Variants in PTPRG observed in about 807,000 individuals in gnomAD.
PTPRG encodes the protein receptor-type tyrosine-protein phosphatase gamma.
PTPRG carries 102 observed loss-of-function variants against 165.3 expected under a neutral mutation model. The observed-to-expected ratio is 0.62, with a 90% CI of 0.53 to 0.73. The LOEUF is 0.73. Ranked by LOEUF, PTPRG falls within the 30% of genes least tolerant of loss-of-function variation. The pLI is 0.00. For synonymous variants in PTPRG, 675 were observed against 669.5 expected (o/e 1.01, Z -0.13); for missense variants, 1,866 against 1,861.4 (o/e 1.00, Z -0.05).
chr3:61,953,390 A>G (rs1175046605), intron 2 of PTPRG, among the ~76,000 whole-genome samples: 1 of 152,208 alleles, frequency 6.6e-6, no homozygotes, highest in African/African-American at 2.4e-5. Context: ...ATTGCTGGTC[A>G]ATTTCGCCAT....
chr3:61,999,951 C>CT (rs370025260), intron 3 of PTPRG, among the ~76,000 whole-genome samples: 2 of 152,034 alleles, frequency 1.3e-5, no homozygotes, highest in Admixed American at 6.6e-5. Flanking sequence ...AAGGCAGTAT[C>CT]TTTTTTTATT....
In PTPRG at chr3:61,718,678, T is replaced by A. The variant is rs984919714; in HGVS notation, c.86-30200T>A. Among the ~76,000 whole-genome samples the A allele has an allele frequency of 2.0e-5, 3 of 152,242 alleles. No individual in the cohort carries two copies. The East Asian group carries it at 5.8e-4, about 29-fold the overall frequency. ...TGCTACTGTAACTTAGTAACTTTTT[T>A]AAAGCAATTAGAAACCAGGGACTTG... is the stretch of plus-strand genomic sequence containing the variant. On this transcript the variant is annotated intron_variant, in intron 1 of 29. Transcript: ENST00000474889.
At chr3:62,149,869 C>T (rs1012546062) in intron 6 of PTPRG, among the ~76,000 whole-genome samples, 3 of 152,198 alleles carry the variant, frequency 2.0e-5, no homozygotes, top group African/African-American at 7.2e-5. Flanking sequence ...TTTTCCCCCC[C>T]TCAATCCTGG....
chr3:61,822,051 T>C (rs1280268577), intron 2 of PTPRG, among the ~76,000 whole-genome samples: 2 of 152,240 alleles, frequency 1.3e-5, no homozygotes, highest in Non-Finnish European at 2.9e-5. Flanking sequence ...TGTAAGTAAC[T>C]TGCCTAAGTA....
chr3:62,076,592 T>G (rs1701395600), intron 4 of PTPRG, among the ~76,000 whole-genome samples: 1 of 151,840 alleles, frequency 6.6e-6, no homozygotes, highest in African/African-American at 2.4e-5. Flanking sequence ...TCTTTTTTTT[T>G]TTTTTCGAGA....
intron 4 of PTPRG, among the ~76,000 whole-genome samples, chr3:62,047,246 A>ATTTAT (rs1553709163): frequency 1.6e-5 from 1 of 62,990 alleles, no homozygotes; most frequent in East Asian, 2.8e-4. Context: ...TGAGCTTCCT[A>ATTTAT]TTATTTATTT....
In PTPRG at chr3:62,271,561, G is replaced by T; in HGVS notation, c.3182+6G>T. ...CCTGTGTTGGTGCACTGCAGGTAGG[G>T]TCTAGGATTCAACATGTGAAATAGA... On this transcript the variant is annotated splice_donor_region_variant and intron_variant, in intron 21 of 29. Coordinates refer to ENST00000474889, the MANE Select transcript of PTPRG (RefSeq NM_002841.4). The surrounding 1 kb of genome is among the most constrained non-coding windows in gnomAD (Gnocchi z 4.1). The T allele has an allele frequency of 6.2e-7, 1 of 1,610,128 alleles. No individual in the cohort carries two copies. The highest frequency in any genetic ancestry group is 8.5e-7 in the Non-Finnish European group (1 of 1,178,062).
chr3:61,855,327 C>T (rs187361590), intron 2 of PTPRG, among the ~76,000 whole-genome samples: 231 of 152,254 alleles, frequency 1.5e-3, no homozygotes, highest in African/African-American at 5.1e-3. Context: ...GTTTTGTAGT[C>T]ATCTCATTGC....
rs529994166 is a variant in PTPRG, at chr3:61,816,757, T to G, written c.190+67775T>G. The stretch of plus-strand genomic sequence containing the variant: ...GGTCTTGATGAGATATGATGAAAGT[T>G]TGGTTGAGTATGATTGTGAAGGAGA... On this transcript the variant is annotated intron_variant, in intron 2 of 29. Transcript: ENST00000474889. Among the ~76,000 whole-genome samples, 7 of 151,562 alleles carry G rather than the reference T, an allele frequency of 4.6e-5. No individual in the cohort carries two copies. In the South Asian group the frequency reaches 1.2e-3, roughly 27 times the overall value.
intron 2 of PTPRG, among the ~76,000 whole-genome samples, chr3:61,842,699 A>G (rs1040011325): frequency 4.7e-5 from 7 of 148,880 alleles, no homozygotes; most frequent in Non-Finnish European, 8.9e-5. Context: ...AAAAAAAAAA[A>G]AAAAGAAAAA....
At chr3:61,631,924 T>C (rs1053069528) in intron 1 of PTPRG, among the ~76,000 whole-genome samples, 4 of 152,296 alleles carry the variant, frequency 2.6e-5, no homozygotes, top group Non-Finnish European at 5.9e-5. Context: ...TAAAATGATA[T>C]AGATGCTCTG....
intron 13 of PTPRG, among the ~76,000 whole-genome samples, chr3:62,226,233 T>A (rs1700761399): frequency 6.6e-6 from 1 of 152,236 alleles, no homozygotes; most frequent in South Asian, 2.1e-4. Flanking sequence ...CCTGGTGGCA[T>A]ATACTTCCCT....
At chr3:62,159,668 T>A (rs1424977579) in intron 7 of PTPRG, among the ~76,000 whole-genome samples, 2 of 152,204 alleles carry the variant, frequency 1.3e-5, no homozygotes, top group Non-Finnish European at 2.9e-5. Context: ...GTATTTGCCT[T>A]CCAATATATA....
intron 4 of PTPRG, among the ~76,000 whole-genome samples, chr3:62,075,293 G>A (rs555457099): frequency 4.6e-5 from 7 of 152,136 alleles, no homozygotes; most frequent in South Asian, 4.2e-4. Flanking sequence ...TTAATTTGAG[G>A]GCCTGAGTTT....
Position 61,605,644 on chromosome 3 carries a change from C to T in PTPRG, c.85+43272C>T, listed in dbSNP as rs144433278. Among the ~76,000 whole-genome samples, 188 of 152,216 alleles carry T rather than the reference C, an allele frequency of 1.2e-3. 1 individual carries two copies. Among genetic ancestry groups the T allele is most frequent in the African/African-American group, 4.4e-3 (181 of 41,530 alleles). ...AGTGCAGTGCTGTGATCATAGCTTA[C>T]TGCTGCCTTGAACTCCTGGCCTCAA... On this transcript the variant is annotated intron_variant, in intron 1 of 29. Transcript: ENST00000474889.
intron 2 of PTPRG, among the ~76,000 whole-genome samples, chr3:61,751,751 G>A (rs1005381269): frequency 1.3e-5 from 2 of 152,132 alleles, no homozygotes; most frequent in African/African-American, 4.8e-5. Context: ...AGCACTTTGG[G>A]AGGCCGAGGT....
chr3:61,701,452 A>G (rs1316716325), intron 1 of PTPRG, among the ~76,000 whole-genome samples: 3 of 152,192 alleles, frequency 2.0e-5, no homozygotes, highest in Admixed American at 1.3e-4. Flanking sequence ...CTCTACTTTC[A>G]TATGATTATA....
At chr3:62,281,821 A>G (rs1203686177) in intron 27 of PTPRG, 112 bp downstream of exon 27, 1 of 1,068,012 alleles carries the variant, frequency 9.4e-7, no homozygotes, top group East Asian at 2.8e-5. Flanking sequence ...CATTTGAGTA[A>G]GACTTAATTT....
rs762771197 is a variant in PTPRG, at chr3:62,271,968, G to T, written c.3182+413G>T. Among the ~76,000 whole-genome samples, 8 of 152,014 alleles carry T rather than the reference G, an allele frequency of 5.3e-5. No individual in the cohort carries two copies. Among genetic ancestry groups the T allele is most frequent in the Non-Finnish European group, 8.8e-5 (6 of 67,994 alleles). On this transcript the variant is annotated intron_variant, in intron 21 of 29. Transcript: ENST00000474889. The surrounding 1 kb of genome is among the most constrained non-coding windows in gnomAD (Gnocchi z 4.1). The stretch of plus-strand genomic sequence containing the variant: ...AAAATTAGCCAGCATGGTGGCACAT[G>T]CCTGTGGTCCCAGCTACATGGGAGG...
Sources: allele counts gnomAD v4.1 joint callset (sites outside exome capture counted in the v4.1 genomes callset), GRCh38; gene constraint gnomAD v4.1.1; non-coding constraint Gnocchi (gnomAD v3.1); transcripts MANE v1.5; gene names NCBI Gene and HGNC (gene_info 2026-07-23, HGNC 2026-07-21).